The following SNCAIP variants were observed in gnomAD, a reference collection of about 807,000 sequenced individuals.
SNCAIP encodes synphilin-1.
In SNCAIP, 43 loss-of-function variants were observed where a neutral mutation model predicts 86.7. That is an observed-to-expected ratio of 0.50 (90% CI 0.39 to 0.64). SNCAIP has a LOEUF of 0.64. Among genes scored for constraint, SNCAIP ranks in the 30% least tolerant of loss-of-function variants. The pLI is 0.00. For missense variants in SNCAIP, 981 were observed against 1,103.1 expected (o/e 0.89, Z 1.57); for synonymous variants, 417 against 427.2 (o/e 0.98, Z 0.29).
At chr5:122,380,334 G>A (rs1766423215) in intron 1 of SNCAIP, among the ~76,000 whole-genome samples, 2 of 152,168 alleles carry the variant, frequency 1.3e-5, no homozygotes, top group South Asian at 2.1e-4. Flanking sequence ...GCATAGACGT[G>A]TTTGTAGTAT....
chr5:122,429,396 G>A (rs980700806), intron 5 of SNCAIP, among the ~76,000 whole-genome samples: 1 of 150,002 alleles, frequency 6.7e-6, no homozygotes, highest in African/African-American at 2.4e-5. Flanking sequence ...CAATAAAACA[G>A]CATTTAGTTC....
intron 10 of SNCAIP, 87 bp from the exon 11 acceptor site, chr5:122,463,404 A>AT: frequency 1.3e-6 from 1 of 799,508 alleles, no homozygotes; most frequent in Non-Finnish European, 2.2e-6. Context: ...GATAATTTCC[A>AT]TTTTTTGGTG....
chr5:122,342,670 G>C (rs570098080), intron 1 of SNCAIP, among the ~76,000 whole-genome samples: 1 of 152,272 alleles, frequency 6.6e-6, no homozygotes, highest in African/African-American at 2.4e-5. Context: ...TATTCTTCAG[G>C]TAACTGGTGG....
chr5:122,369,039 G>T (rs2152786574), intron 1 of SNCAIP, among the ~76,000 whole-genome samples: 1 of 152,236 alleles, frequency 6.6e-6, no homozygotes, highest in African/African-American at 2.4e-5. Flanking sequence ...TCTTTGGTCA[G>T]ACCAGCTCTG....
At chr5:122,448,660 A>ATTT (rs200425901) in intron 8 of SNCAIP, among the ~76,000 whole-genome samples, 1 of 133,610 alleles carries the variant, frequency 7.5e-6, no homozygotes, top group Non-Finnish European at 1.5e-5. Flanking sequence ...TTTTATATAT[A>ATTT]TTATATATAT....
At chr5:122,368,680 G>A (rs1439955142) in intron 1 of SNCAIP, among the ~76,000 whole-genome samples, 2 of 152,184 alleles carry the variant, frequency 1.3e-5, no homozygotes, top group Non-Finnish European at 2.9e-5. Context: ...CATCAGAGTG[G>A]CCTGGAGCTC....
At chr5:122,448,812 C>T (rs971246858) in intron 8 of SNCAIP, among the ~76,000 whole-genome samples, 3 of 148,958 alleles carry the variant, frequency 2.0e-5, no homozygotes, top group African/African-American at 7.4e-5. Flanking sequence ...GTCAGGAGAT[C>T]GAGACCATCC....
intron 1 of SNCAIP, among the ~76,000 whole-genome samples, chr5:122,351,486 G>A (rs916158343): frequency 1.3e-4 from 17 of 127,556 alleles, no homozygotes; most frequent in African/African-American, 2.9e-4. Flanking sequence ...GCGGTGAGCC[G>A]AGATCATGCC....
intron 3 of SNCAIP, among the ~76,000 whole-genome samples, chr5:122,404,298 C>T (rs1036273033): frequency 7.9e-5 from 12 of 152,006 alleles, no homozygotes; most frequent in Admixed American, 4.6e-4. Context: ...ATCAGAGATG[C>T]GACATGATAG....
Position 122,428,838 on chromosome 5 carries a change from C to G in SNCAIP, c.1183-3131C>G, listed in dbSNP as rs529999262. ...ATTCCCACCTATATGTGAGAACATGCGGTGTTTGGTTTTCTGTCCTTGTGA... is the reference window on the plus strand; with the variant it reads ...ATTCCCACCTATATGTGAGAACATGGGGTGTTTGGTTTTCTGTCCTTGTGA... On this transcript the variant is annotated intron_variant, in intron 5 of 10. Coordinates refer to ENST00000261368, the MANE Select transcript of SNCAIP (RefSeq NM_005460.4). Among the ~76,000 whole-genome samples the G allele has an allele frequency of 2.4e-3, 367 of 151,664 alleles. 3 individuals carry two copies. The highest frequency in any genetic ancestry group is 8.4e-3 in the African/African-American group (347 of 41,298).
intron 2 of SNCAIP, among the ~76,000 whole-genome samples, chr5:122,392,118 A>G (rs756013516): frequency 1.3e-5 from 2 of 152,216 alleles, no homozygotes; most frequent in African/African-American, 4.8e-5. Flanking sequence ...TTACTTTATC[A>G]TGCTTCTGGC....
chr5:122,435,380 G>A (rs924095267), intron 6 of SNCAIP, among the ~76,000 whole-genome samples: 2 of 152,162 alleles, frequency 1.3e-5, no homozygotes, highest in African/African-American at 4.8e-5. Context: ...AAACATGAAG[G>A]TTCAGATTGT....
intron 6 of SNCAIP, among the ~76,000 whole-genome samples, chr5:122,432,469 A>G (rs190816928): frequency 1.4e-3 from 211 of 152,302 alleles, no homozygotes; most frequent in Middle Eastern, 6.8e-3. Context: ...TATAGTAGTT[A>G]TCACTCAGAG....
intron 6 of SNCAIP, 138 bp from the exon 7 acceptor site, chr5:122,440,491 C>A: frequency 2.5e-6 from 2 of 798,694 alleles, no homozygotes; most frequent in Non-Finnish European, 2.1e-6. Context: ...CAATTCACAT[C>A]TGAATGAGAA....
At chr5:122,328,662 T>C (rs565782454) in intron 1 of SNCAIP, among the ~76,000 whole-genome samples, 1 of 152,374 alleles carries the variant, frequency 6.6e-6, no homozygotes, top group East Asian at 1.9e-4. Flanking sequence ...TGATCAGTTC[T>C]TGCTCCGTTA....
chr5:122,390,179 TAAGA>T (rs977988367), intron 1 of SNCAIP, among the ~76,000 whole-genome samples: 1 of 152,140 alleles, frequency 6.6e-6, no homozygotes, highest in African/African-American at 2.4e-5. Flanking sequence ...ATTTTTACAA[TAAGA>T]AAGACAAGTT....
At chr5:122,340,088 C>T (rs1044280348) in intron 1 of SNCAIP, among the ~76,000 whole-genome samples, 8 of 152,134 alleles carry the variant, frequency 5.3e-5, no homozygotes, top group Middle Eastern at 3.2e-3. Context: ...CATAAATTGC[C>T]GTTACAAGCT....
At chr5:122,380,920 C>T (rs1301902059) in intron 1 of SNCAIP, among the ~76,000 whole-genome samples, 13 of 150,052 alleles carry the variant, frequency 8.7e-5, no homozygotes, top group East Asian at 2.0e-4. Context: ...TTGTTATAAT[C>T]TCTGTTCTTT....
intron 1 of SNCAIP, among the ~76,000 whole-genome samples, chr5:122,345,908 C>T (rs1250363845): frequency 1.3e-5 from 2 of 151,980 alleles, no homozygotes; most frequent in Non-Finnish European, 2.9e-5. Context: ...CTAACTTAAC[C>T]TCCCAAAGTG....
Sources: gnomAD v4.1 joint callset for allele counts (sites outside exome capture counted in the v4.1 genomes callset) on GRCh38, gnomAD v4.1.1 for gene constraint, MANE v1.5 for transcripts, NCBI Gene and HGNC (gene_info 2026-07-23, HGNC 2026-07-21) for gene names.